SCRG1: variants seen among roughly 807,000 people sequenced by gnomAD.
SCRG1 encodes the protein stimulator of chondrogenesis 1.
A neutral mutation model predicts 7.7 loss-of-function variants in SCRG1; 3 were observed. The ratio of observed to expected loss-of-function variants is 0.39; its 90% CI spans 0.18 to 1.01. SCRG1 has a LOEUF of 1.01. Among genes scored for constraint, SCRG1 ranks in the 50% least tolerant of loss-of-function variants. SCRG1 has a pLI of 0.36. For missense variants in SCRG1, 110 were observed against 117.2 expected (o/e 0.94, Z 0.28); for synonymous variants, 46 against 41.2 (o/e 1.12, Z -0.44).
the SCRG1 span, among the ~76,000 whole-genome samples, chr4:173,429,663 G>A: frequency 6.6e-6 from 1 of 152,148 alleles, no homozygotes. Context: ...CATATGGATT[G>A]TATTGTCGAT....
rs915618555 is a variant in SCRG1 at position 173,388,202 on chromosome 4, A to T, written c.*139T>A. On this transcript the variant is annotated 3_prime_UTR_variant, in exon 3 of 3. Coordinates refer to ENST00000296506, the MANE Select transcript of SCRG1 (RefSeq NM_007281.4). The stretch of plus-strand genomic sequence containing the variant: ...TTTTATTACTACTTGTTTAACACAG[A>T]TTTACTTGTCTTAGACAAGTAAGAA... The T allele has an allele frequency of 9.6e-6, 5 of 519,982 alleles. No homozygotes were observed. Among genetic ancestry groups the T allele is most frequent in the African/African-American group, 7.9e-5 (4 of 50,752 alleles). The allele number at this position is 519,982 out of a possible 1,614,324, so 32.2% of individuals were successfully genotyped here. A position where few individuals can be genotyped will look rare whatever the true frequency, so the allele number is the denominator to read the frequency against.
At chr4:173,442,374 C>A in the SCRG1 span, among the ~76,000 whole-genome samples, 2 of 152,278 alleles carry the variant, frequency 1.3e-5, no homozygotes, top group South Asian at 4.1e-4. Flanking sequence ...ACTGCTGGGG[C>A]AAATACATTC....
chr4:173,503,231 G>A, the SCRG1 span, among the ~76,000 whole-genome samples: 889 of 152,330 alleles, frequency 5.8e-3, 5 homozygotes, highest in African/African-American at 0.018. The surrounding 1 kb of genome is among the most constrained non-coding windows in gnomAD (Gnocchi z 6.4). Flanking sequence ...GGCAGGAGAA[G>A]GTGGTGTTCC....
the SCRG1 span, among the ~76,000 whole-genome samples, chr4:173,456,954 C>T: frequency 6.6e-6 from 1 of 152,132 alleles, no homozygotes. Flanking sequence ...TACTTGCTTG[C>T]TTTATGGTCA....
At chr4:173,485,115 A>G in the SCRG1 span, among the ~76,000 whole-genome samples, 1 of 17,878 alleles carries the variant, frequency 5.6e-5, no homozygotes, top group Non-Finnish European at 1.5e-4. Flanking sequence ...TATATTATAT[A>G]ATATATAATA....
the SCRG1 span, among the ~76,000 whole-genome samples, chr4:173,442,963 C>G: frequency 6.6e-6 from 1 of 152,122 alleles, no homozygotes; most frequent in African/African-American, 2.4e-5. Flanking sequence ...CAAAGCATAG[C>G]CCCATTCAGT....
the SCRG1 span, among the ~76,000 whole-genome samples, chr4:173,424,857 C>G: frequency 8.7e-6 from 1 of 114,614 alleles, no homozygotes; most frequent in African/African-American, 2.9e-5. Context: ...TGTGGCAAGC[C>G]GAGATCGCAC....
At chr4:173,440,703 C>T in the SCRG1 span, among the ~76,000 whole-genome samples, 80 of 152,176 alleles carry the variant, frequency 5.3e-4, no homozygotes, top group Non-Finnish European at 1.1e-3. Context: ...AATGTATGCT[C>T]TCATAGTTCT....
At chr4:173,441,253 A>C in the SCRG1 span, among the ~76,000 whole-genome samples, 36 of 152,334 alleles carry the variant, frequency 2.4e-4, 1 homozygote, top group South Asian at 6.8e-3. Context: ...CCTTCTACAC[A>C]CAAAATTTTA....
At chr4:173,488,131 AAATTT>A in the SCRG1 span, among the ~76,000 whole-genome samples, 1 of 147,576 alleles carries the variant, frequency 6.8e-6, no homozygotes, top group Non-Finnish European at 1.5e-5. Context: ...ATAAATAAAT[AAATTT>A]AAAAAATGGT....
At chr4:173,416,975 ACACACACACCCCACACACAATCACATCTT>A in the SCRG1 span, among the ~76,000 whole-genome samples, 31 of 142,524 alleles carry the variant, frequency 2.2e-4, no homozygotes, top group South Asian at 4.4e-4. Flanking sequence ...CACACACACC[ACACACACACCCCACACACAATCACATCTT>A]CACACACACC....
chr4:173,424,237 T>A, the SCRG1 span, among the ~76,000 whole-genome samples: 1 of 152,202 alleles, frequency 6.6e-6, no homozygotes, highest in Non-Finnish European at 1.5e-5. Flanking sequence ...AATGGCTTAT[T>A]TAGCCATGCT....
chr4:173,409,112 A>G (rs1739985976), upstream of SCRG1, among the ~76,000 whole-genome samples: 1 of 152,066 alleles, frequency 6.6e-6, no homozygotes, highest in South Asian at 2.1e-4. Context: ...TTTCTCCATT[A>G]GAAGCCTGCC....
the SCRG1 span, among the ~76,000 whole-genome samples, chr4:173,500,039 C>T: frequency 6.6e-6 from 1 of 152,294 alleles, no homozygotes; most frequent in Non-Finnish European, 1.5e-5. Flanking sequence ...TTGTCCTTCA[C>T]CCAAGTGCCT....
the SCRG1 span, among the ~76,000 whole-genome samples, chr4:173,483,415 T>TTATATCATGATATATATTATATAA: frequency 2.6e-5 from 1 of 38,472 alleles, no homozygotes; most frequent in Admixed American, 3.8e-4. Context: ...ATATTATATA[T>TTATATCATGATATATATTATATAA]TATATCATGA....
the SCRG1 span, among the ~76,000 whole-genome samples, chr4:173,490,719 T>A: frequency 6.6e-6 from 1 of 152,222 alleles, no homozygotes; most frequent in East Asian, 1.9e-4. Flanking sequence ...AAAATTAACA[T>A]GTTTATAACC....
At chr4:173,429,813 CAT>C in the SCRG1 span, among the ~76,000 whole-genome samples, 1 of 152,228 alleles carries the variant, frequency 6.6e-6, no homozygotes, top group South Asian at 2.1e-4. Context: ...GGAATCCTGA[CAT>C]ATAATAAGAA....
the SCRG1 span, among the ~76,000 whole-genome samples, chr4:173,456,172 TTAAG>T: frequency 2.0e-5 from 3 of 152,188 alleles, no homozygotes; most frequent in African/African-American, 7.2e-5. Context: ...GATCATGGAA[TTAAG>T]TGACTTTAAT....
the SCRG1 span, among the ~76,000 whole-genome samples, chr4:173,460,973 G>A: frequency 6.6e-6 from 1 of 152,138 alleles, no homozygotes; most frequent in African/African-American, 2.4e-5. Flanking sequence ...CAGGGGCAGG[G>A]GTGTCCTCTG....
Sources: allele counts gnomAD v4.1 joint callset (sites outside exome capture counted in the v4.1 genomes callset), GRCh38; gene constraint gnomAD v4.1.1; non-coding constraint Gnocchi (gnomAD v3.1); transcripts MANE v1.5; gene names NCBI Gene and HGNC (gene_info 2026-07-23, HGNC 2026-07-21).